KATNB1: variants seen among roughly 807,000 people sequenced by gnomAD.
KATNB1 encodes katanin p80 WD40 repeat-containing subunit B1.
Under a neutral mutation model 82.3 loss-of-function variants are expected in KATNB1, and 38 were observed. The observed-to-expected ratio is 0.46, with a 90% CI of 0.36 to 0.61. The LOEUF is 0.61. KATNB1 is among the 20% of genes least tolerant of loss of function. The pLI, the probability that KATNB1 is intolerant of heterozygous loss-of-function variation, is 0.00. For synonymous variants in KATNB1, 361 were observed against 368.7 expected, an observed-to-expected ratio of 0.98 and a Z score of 0.24; for missense variants, 749 against 915.7, an observed-to-expected ratio of 0.82 and a Z score of 2.35.
At chr16:57,750,746 C>T in intron 4 of KATNB1, 81 bp from the exon 5 acceptor site, 5 of 1,043,818 alleles carry the variant, frequency 4.8e-6, no homozygotes, top group Non-Finnish European at 7.6e-6. Context: ...AAAGCGCACA[C>T]ACAAATGCCC....
rs142219691 is a variant in KATNB1, at chr16:57,753,418, G to A, written c.1076G>A (p.Arg359His). The change falls in exon 12 of 20, where the codon CGC becomes CAC. Residue 359 changes from arginine to histidine, a missense_variant. Physicochemically the swap from Arg to His is conservative, Grantham distance 29. Transcript: ENST00000379661. The stretch of plus-strand genomic sequence containing the variant: ...AAGCAGAACTCAGAGAGCGAGCGCC[G>A]CAGCCCCAGCAGCGAGGATGACCGG... ...RVKQNSESER[R>H]SPSSEDDRDE... 1.4e-5 allele frequency: 22 copies of A among 1,612,668 alleles called. No homozygotes were observed. Among genetic ancestry groups the A allele is most frequent in the East Asian group, 6.7e-5 (3 of 44,868 alleles).
chr16:57,744,711 A>G, intron 4 of KATNB1, among the ~76,000 whole-genome samples, 200 bp downstream of exon 4: 1 of 142,546 alleles, frequency 7.0e-6, no homozygotes, highest in Admixed American at 7.0e-5. Context: ...GGGTGGGGGG[A>G]TGTGCGGGTG....
chr16:57,744,334 A>G lies in KATNB1; in HGVS notation c.172-60A>G, dbSNP rs536820318. On this transcript the variant is annotated intron_variant, in intron 3 of 19. Transcript: ENST00000379661. Reference sequence around the variant, plus strand: ...AGCCTTTCCGGGGGACTTGGAATTCAGGGCGCAACTGCAGGGGTCTGTCCA... The same window carrying G: ...AGCCTTTCCGGGGGACTTGGAATTCGGGGCGCAACTGCAGGGGTCTGTCCA... 18 of 1,420,514 alleles carry G rather than the reference A, an allele frequency of 1.3e-5. No homozygotes were observed. In the African/African-American group the frequency reaches 2.4e-4, roughly 19 times the overall value. The allele number at this position is 1,420,514 out of a possible 1,614,324, so 88.0% of individuals were successfully genotyped here.
chr16:57,747,922 G>A (rs2049195429), intron 4 of KATNB1, among the ~76,000 whole-genome samples: 1 of 152,330 alleles, frequency 6.6e-6, no homozygotes, highest in Admixed American at 6.5e-5. Flanking sequence ...CCTGGGCCCT[G>A]GACGGCCAGG....
At chr16:57,754,899 G>T in intron 13 of KATNB1, 31 bp from the exon 14 acceptor site, 1 of 1,612,872 alleles carries the variant, frequency 6.2e-7, no homozygotes, top group South Asian at 1.1e-5. Flanking sequence ...CCTTCTGGCC[G>T]GACCCAGTCA....
Position 57,756,438 on chromosome 16 carries a change from C to G in KATNB1, c.1801C>G (p.Pro601Ala). ...PLITDMLAAP[P>A]SVGVDISREE... ...CATCACAGACATGCTGGCGGCCCCA[C>G]CCTCTGTGGGTGTGGATATCAGCAG... is the stretch of plus-strand genomic sequence containing the variant. Residue 601 changes from proline (P) to alanine (A), a missense_variant, in exon 19 of 20, where the codon CCC becomes GCC. By Grantham distance (27) the Pro-to-Ala change is conservative. Around this residue, in one of 3 missense-constraint regions of KATNB1, gnomAD observed 95 missense variants for 131.6 expected, o/e 0.72. Transcript: ENST00000379661. 1 of 1,613,848 alleles carries G rather than the reference C, an allele frequency of 6.2e-7. No homozygotes were observed. The highest frequency in any genetic ancestry group is 8.5e-7 in the Non-Finnish European group (1 of 1,180,024).
At chr16:57,747,604 C>T (rs527322520) in intron 4 of KATNB1, among the ~76,000 whole-genome samples, 6 of 152,342 alleles carry the variant, frequency 3.9e-5, no homozygotes, top group Admixed American at 1.3e-4. Context: ...TGCCTGGCCA[C>T]ACCAGGGCAT....
chr16:57,741,928 C>T (rs1347561047), intron 3 of KATNB1, 111 bp downstream of exon 3: 5 of 1,296,826 alleles, frequency 3.9e-6, no homozygotes, highest in Non-Finnish European at 5.4e-6. Context: ...GAGCCCAGGG[C>T]CCCCTATCCG....
intron 12 of KATNB1, 126 bp downstream of exon 12, chr16:57,753,645 C>T (rs1597830366): frequency 1.6e-6 from 2 of 1,284,870 alleles, no homozygotes; most frequent in African/African-American, 1.5e-5. Context: ...ACCTGGGCTC[C>T]GTATCCTGTC....
At chr16:57,746,049 T>G (rs1205670982) in intron 4 of KATNB1, among the ~76,000 whole-genome samples, 1 of 152,192 alleles carries the variant, frequency 6.6e-6, no homozygotes, top group African/African-American at 2.4e-5. Flanking sequence ...GTTTTCTCCC[T>G]CTTTTTGATG....
Position 57,755,533 on chromosome 16 carries a change from C to T in KATNB1, c.1566+39C>T, listed in dbSNP as rs115933733. ...CTTGCACAGGGCCTCATCTCGCCCC[C>T]CTGCCCCTGCCACCTGCCTGCCCGG... On this transcript the variant is annotated intron_variant, in intron 16 of 19. Transcript: ENST00000379661. The T allele has an allele frequency of 1.2e-3, 1,950 of 1,592,792 alleles. 15 individuals are homozygous for T. In the African/African-American group the frequency reaches 0.017, roughly 14 times the overall value.
At chr16:57,756,505 G>A in intron 19 of KATNB1, 33 bp downstream of exon 19, 1 of 1,555,110 alleles carries the variant, frequency 6.4e-7, no homozygotes, top group Non-Finnish European at 8.8e-7. Flanking sequence ...GGGCAGGGGT[G>A]CCACAACAGG....
At chr16:57,756,210 A>T (rs1465710486) in intron 18 of KATNB1, 144 bp downstream of exon 18, 9 of 1,154,252 alleles carry the variant, frequency 7.8e-6, no homozygotes, top group Non-Finnish European at 1.1e-5. Flanking sequence ...AACAGTCCGG[A>T]GGTGGGAGTG....
intron 3 of KATNB1, among the ~76,000 whole-genome samples, chr16:57,742,418 C>T (rs2049150278): frequency 6.6e-6 from 1 of 152,222 alleles, no homozygotes; most frequent in African/African-American, 2.4e-5. Flanking sequence ...ATCCAAAGGC[C>T]ACCACAGTTG....
chr16:57,743,248 G>T (rs2049156487), intron 3 of KATNB1, among the ~76,000 whole-genome samples: 1 of 152,142 alleles, frequency 6.6e-6, no homozygotes, highest in Non-Finnish European at 1.5e-5. Flanking sequence ...AGCCGAGATG[G>T]TGCCACTGCA....
intron 2 of KATNB1, among the ~76,000 whole-genome samples, chr16:57,740,286 G>T (rs1366935684): frequency 2.0e-5 from 3 of 152,192 alleles, no homozygotes; most frequent in African/African-American, 7.2e-5. Context: ...GCTCTGCCCC[G>T]ACCGGCCCAG....
chr16:57,736,485 A>T (rs924758518), intron 1 of KATNB1, among the ~76,000 whole-genome samples: 2 of 152,124 alleles, frequency 1.3e-5, no homozygotes, highest in African/African-American at 4.8e-5. Context: ...AATCGCAGGG[A>T]GCAGGAGCGG....
intron 2 of KATNB1, among the ~76,000 whole-genome samples, chr16:57,740,442 A>G (rs1460099587): frequency 1.3e-5 from 2 of 152,130 alleles, no homozygotes; most frequent in African/African-American, 4.8e-5. Flanking sequence ...CAGCAGAGAC[A>G]CCCAGGCAGG....
In KATNB1 at chr16:57,755,022, G is replaced by A. The variant is rs200235311; in HGVS notation, c.1296+25G>A. On this transcript the variant is annotated intron_variant, in intron 14 of 19. Transcript: ENST00000379661. ...TGTATGTCCATGGAGGGAGCATGGTGTGGGGCCTAGAGAAGGTCCTGACCC... is the reference window on the plus strand; with the variant it reads ...TGTATGTCCATGGAGGGAGCATGGTATGGGGCCTAGAGAAGGTCCTGACCC... 1.9e-4 allele frequency: 310 copies of A among 1,613,882 alleles called. 3 individuals are homozygous for A. The African/African-American group carries it at 2.9e-3, about 15-fold the overall frequency.
Sources: allele counts gnomAD v4.1 joint callset (sites outside exome capture counted in the v4.1 genomes callset), GRCh38; gene constraint gnomAD v4.1.1; regional missense constraint gnomAD v4.1.1; transcripts MANE v1.5; gene names NCBI Gene and HGNC (gene_info 2026-07-23, HGNC 2026-07-21).